The following PHF2 variants were observed in gnomAD, a reference collection of about 807,000 sequenced individuals.
PHF2 encodes lysine-specific demethylase PHF2.
A neutral mutation model predicts 120.5 loss-of-function variants in PHF2; 27 were observed. The observed-to-expected ratio is 0.22, with a 90% CI of 0.17 to 0.31. The LOEUF is 0.31. Among genes scored for constraint, PHF2 ranks in the 10% least tolerant of loss-of-function variants. PHF2 has a pLI of 1.00. For missense variants in PHF2, 1,024 were observed against 1,434.8 expected (o/e 0.71, Z 4.63); for synonymous variants, 568 against 592.5 (o/e 0.96, Z 0.60).
chr9:93,672,507 T>G (rs1826823968), intron 17 of PHF2: 2 of 984,684 alleles, frequency 2.0e-6, no homozygotes, highest in Non-Finnish European at 2.4e-6. Flanking sequence ...CATGCAGGTA[T>G]GGGTGTAGGT....
At chr9:93,645,203 C>T (rs953347216) in intron 3 of PHF2, among the ~76,000 whole-genome samples, 2 of 152,206 alleles carry the variant, frequency 1.3e-5, no homozygotes, top group Admixed American at 6.5e-5. Context: ...GTGGCCCTGC[C>T]ATGGGGAGGC....
At chr9:93,644,859 T>C (rs1339700018) in intron 3 of PHF2, among the ~76,000 whole-genome samples, 2 of 152,106 alleles carry the variant, frequency 1.3e-5, no homozygotes, top group African/African-American at 4.8e-5. Flanking sequence ...TCTGCCAAGG[T>C]CATTTTTCCC....
chr9:93,636,332 C>T, intron 2 of PHF2, 79 bp from the exon 3 acceptor site: 1 of 1,154,630 alleles, frequency 8.7e-7, no homozygotes, highest in Non-Finnish European at 1.3e-6. Context: ...GCTGGGTGGG[C>T]CAAGGTTCTT....
At chr9:93,578,616 C>G (rs891889158) in intron 1 of PHF2, among the ~76,000 whole-genome samples, 5 of 152,186 alleles carry the variant, frequency 3.3e-5, no homozygotes, top group Non-Finnish European at 7.4e-5. Context: ...AGTGAGAGAA[C>G]GCGAGAAGAC....
chr9:93,589,757 G>A (rs1216029163), intron 1 of PHF2, among the ~76,000 whole-genome samples: 1 of 152,184 alleles, frequency 6.6e-6, no homozygotes, highest in African/African-American at 2.4e-5. Flanking sequence ...AGTGGAATGC[G>A]TGCCTCTCCC....
At chr9:93,640,214 G>T (rs1216260473) in intron 3 of PHF2, among the ~76,000 whole-genome samples, 1 of 151,688 alleles carries the variant, frequency 6.6e-6, no homozygotes, top group Admixed American at 6.6e-5. Flanking sequence ...TTGGATCTTT[G>T]GTTTCATGTC....
intron 17 of PHF2, among the ~76,000 whole-genome samples, chr9:93,667,582 GC>G (rs1826706304): frequency 6.6e-6 from 1 of 152,192 alleles, no homozygotes; most frequent in Non-Finnish European, 1.5e-5. Context: ...CAGAGGTGTA[GC>G]CCCCTCCATG....
chr9:93,638,246 T>C (rs1457798969), intron 3 of PHF2, among the ~76,000 whole-genome samples: 1 of 152,216 alleles, frequency 6.6e-6, no homozygotes, highest in Non-Finnish European at 1.5e-5. Context: ...GTCTTTTTAC[T>C]TTCTTGATAG....
At chr9:93,665,350 GCT>G (rs1336452146) in intron 14 of PHF2, among the ~76,000 whole-genome samples, 1 of 152,220 alleles carries the variant, frequency 6.6e-6, no homozygotes, top group African/African-American at 2.4e-5. Context: ...CTGGGGAAGG[GCT>G]CTCTCTGCCT....
chr9:93,679,290 G>A lies in PHF2; in HGVS notation c.*1614G>A, dbSNP rs568768427. 7 of 455,298 alleles carry A rather than the reference G, an allele frequency of 1.5e-5. No homozygotes were observed. Among genetic ancestry groups the A allele is most frequent in the Admixed American group, 9.4e-5 (4 of 42,448 alleles). The allele number at this position is 455,298 out of a possible 1,614,324, so 28.2% of individuals were successfully genotyped here. On this transcript the variant is annotated 3_prime_UTR_variant, in exon 22 of 22. Coordinates refer to ENST00000359246, the MANE Select transcript of PHF2 (RefSeq NM_005392.4). ...CTAGGGCCCGAGACTGGGTGGGAGA[G>A]GGGGAGTCTCACGGGGCCCCAGGCT...
intron 17 of PHF2, 139 bp downstream of exon 17, chr9:93,667,379 G>A (rs1449667459): frequency 1.4e-5 from 13 of 931,544 alleles, no homozygotes; most frequent in Non-Finnish European, 2.1e-5. Flanking sequence ...CTGGGCAGAA[G>A]GGCACACCTC....
At chr9:93,668,356 T>C (rs1205981934) in intron 17 of PHF2, among the ~76,000 whole-genome samples, 2 of 152,126 alleles carry the variant, frequency 1.3e-5, no homozygotes, top group Non-Finnish European at 2.9e-5. Flanking sequence ...TCGGAGGCTG[T>C]GGTGCTTCAC....
At chr9:93,624,211 G>A (rs1411245855) in intron 1 of PHF2, among the ~76,000 whole-genome samples, 3 of 152,206 alleles carry the variant, frequency 2.0e-5, no homozygotes, top group Non-Finnish European at 4.4e-5. Flanking sequence ...AGCATGCTGC[G>A]TGTCTCAGAG....
At chr9:93,675,639 G>A (rs1238169566) in intron 19 of PHF2, 41 bp from the exon 20 acceptor site, 4 of 1,512,360 alleles carry the variant, frequency 2.6e-6, no homozygotes, top group African/African-American at 1.4e-5. Context: ...TGGACAGGCT[G>A]TGGCCTACAG....
At chr9:93,676,488 C>A in intron 20 of PHF2, 106 bp from the exon 21 acceptor site, 2 of 1,383,348 alleles carry the variant, frequency 1.4e-6, no homozygotes, top group Non-Finnish European at 2.0e-6. Context: ...TGCTGCCCAG[C>A]CCTGCTGTGC....
intron 2 of PHF2, among the ~76,000 whole-genome samples, chr9:93,634,997 G>A (rs973300892): frequency 2.0e-5 from 3 of 152,226 alleles, no homozygotes; most frequent in Admixed American, 2.0e-4. Context: ...GAGGCACAGA[G>A]CTGTCAAGTA....
chr9:93,595,826 A>G (rs151261534), intron 1 of PHF2, among the ~76,000 whole-genome samples: 1 of 152,324 alleles, frequency 6.6e-6, no homozygotes, highest in Non-Finnish European at 1.5e-5. Context: ...AAAAGTCAAC[A>G]TCCTGATGTT....
In PHF2 at chr9:93,660,301, C is replaced by A; in HGVS notation, c.1439C>A (p.Pro480Gln). Reference sequence around the variant, plus strand: ...CCCCCGTCTCCCATTGAGGCCACCCCGCCTCAATCCCTCCTGGAGAAAGTG... The same window carrying A: ...CCCCCGTCTCCCATTGAGGCCACCCAGCCTCAATCCCTCCTGGAGAAAGTG... ...EEPPSPIEAT[P>Q]PQSLLEKVSK... Residue 480 changes from proline (P) to glutamine (Q), a missense_variant, in exon 12 of 22, where the codon CCG becomes CAG. This residue lies in a region of PHF2 where 677 missense variants were observed against 857.4 expected (regional missense o/e 0.79). Coordinates refer to ENST00000359246, the MANE Select transcript of PHF2 (RefSeq NM_005392.4). 1 of 1,610,472 alleles carries A rather than the reference C, an allele frequency of 6.2e-7. No homozygotes were observed.
intron 17 of PHF2, among the ~76,000 whole-genome samples, chr9:93,673,023 G>T (rs752079653): frequency 6.6e-6 from 1 of 151,788 alleles, no homozygotes; most frequent in Non-Finnish European, 1.5e-5. Context: ...GGTAAAGGTG[G>T]GGGTGTGGAG....
Sources: gnomAD v4.1 joint callset for allele counts (sites outside exome capture counted in the v4.1 genomes callset) on GRCh38, gnomAD v4.1.1 for gene constraint, gnomAD v4.1.1 regional missense constraint, MANE v1.5 for transcripts, NCBI Gene and HGNC (gene_info 2026-07-23, HGNC 2026-07-21) for gene names.